TNRC18: variants seen among roughly 807,000 people sequenced by gnomAD.
The protein encoded by TNRC18 is trinucleotide repeat containing 18, also known as trinucleotide repeat-containing gene 18 protein.
Under a neutral mutation model 226.7 loss-of-function variants are expected in TNRC18, and 69 were observed. That is an observed-to-expected ratio of 0.30 (90% confidence interval 0.25 to 0.37). The LOEUF is 0.37. Ranked by LOEUF, TNRC18 falls within the 10% of genes least tolerant of loss-of-function variation. The pLI, the probability that TNRC18 is intolerant of heterozygous loss-of-function variation, is 1.00. For missense variants in TNRC18, 4,754 were observed against 4,256.6 expected (o/e 1.12, Z -3.25); for synonymous variants, 2,449 against 1,927.6 (o/e 1.27, Z -7.09).
rs73057722 is a variant in TNRC18, at chr7:5,394,295, C to A, written c.343+145G>T. On this transcript the variant is annotated intron_variant, in intron 3 of 29. Transcript: ENST00000430969. This position sits in a 1 kb window ranked among gnomAD's most constrained non-coding sequence, Gnocchi z 4.5. ...GACAGTGACAAGAAGAAGCCCTGAG[C>A]GTTTGAGAAACAACAGGGAAGCCAG... The A allele has an allele frequency of 5.7e-6, 4 of 695,898 alleles. No homozygotes were observed. Among genetic ancestry groups the A allele is most frequent in the African/African-American group, 1.9e-5 (1 of 52,464 alleles). 43.1% of individuals were successfully genotyped at this position (695,898 alleles called of 1,614,324 possible). A position where few individuals can be genotyped will look rare whatever the true frequency, so the allele number is the denominator to read the frequency against.
At position 5,371,165 on chromosome 7, in the gene TNRC18, C is replaced by T. The variant is rs781364966; in HGVS notation, c.3429G>A (p.Pro1143=). ...IRLSPSKITE[P]LREGPEEEPL... is the part of the protein sequence containing the mutation. Reference sequence around the variant, plus strand: ...GTTCTTCCTCCGGGCCCTCCCGCAGCGGCTCTGTGATCTTGGAGGGGGACA... The same window carrying T: ...GTTCTTCCTCCGGGCCCTCCCGCAGTGGCTCTGTGATCTTGGAGGGGGACA... The change falls in exon 11 of 30, where the codon CCG becomes CCA. Residue 1143 remains proline, a synonymous_variant. Coordinates refer to ENST00000430969, the MANE Select transcript of TNRC18 (RefSeq NM_001080495.3). 4.9e-5 allele frequency: 78 copies of T among 1,607,682 alleles called. No homozygotes were observed. The highest frequency in any genetic ancestry group is 5.7e-5 in the Non-Finnish European group (67 of 1,175,744).
chr7:5,383,423 G>A (rs1484425121), intron 5 of TNRC18, among the ~76,000 whole-genome samples: 3 of 152,178 alleles, frequency 2.0e-5, no homozygotes, highest in Admixed American at 6.5e-5. Context: ...AGAGAGAGGC[G>A]TTTATAACGC....
At chr7:5,410,777 C>T (rs868056143) in intron 2 of TNRC18, among the ~76,000 whole-genome samples, 5 of 144,356 alleles carry the variant, frequency 3.5e-5, no homozygotes, top group Admixed American at 2.2e-4. Context: ...GAGGCTTCAG[C>T]GCTTGAACCC....
intron 2 of TNRC18, among the ~76,000 whole-genome samples, chr7:5,403,885 G>T (rs769433424): frequency 6.6e-6 from 1 of 152,028 alleles, no homozygotes; most frequent in Non-Finnish European, 1.5e-5. Flanking sequence ...CCCAGGAAAG[G>T]CATTATTCTG....
chr7:5,355,091 T>A (rs61056534), intron 16 of TNRC18, among the ~76,000 whole-genome samples: 4 of 152,006 alleles, frequency 2.6e-5, no homozygotes, highest in Non-Finnish European at 4.4e-5. Context: ...GACACTGACA[T>A]GGGCCAGAAC....
intron 15 of TNRC18, among the ~76,000 whole-genome samples, chr7:5,358,644 T>C (rs1398425178): frequency 1.3e-5 from 2 of 152,072 alleles, no homozygotes; most frequent in African/African-American, 4.8e-5. Flanking sequence ...TGAAACCCCA[T>C]CTCTACTAAA....
chr7:5,329,189 G>C (rs1789251070), intron 19 of TNRC18, among the ~76,000 whole-genome samples: 2 of 151,850 alleles, frequency 1.3e-5, no homozygotes, highest in Non-Finnish European at 2.9e-5. Flanking sequence ...TGTGATCCCA[G>C]CTACTCGGGA....
intron 5 of TNRC18, among the ~76,000 whole-genome samples, chr7:5,386,607 G>T (rs1021454669): frequency 6.6e-6 from 1 of 151,350 alleles, no homozygotes. Flanking sequence ...AAAATTAGTC[G>T]GGCGTGGTGG....
intron 5 of TNRC18, among the ~76,000 whole-genome samples, chr7:5,380,159 C>T (rs1178812453): frequency 1.3e-5 from 2 of 152,166 alleles, no homozygotes; most frequent in African/African-American, 4.8e-5. Context: ...ATAAGCAGCA[C>T]CCCAGGCCCG....
rs1196668792 is a variant in TNRC18, at chr7:5,370,683, T to C, written c.3911A>G (p.Gln1304Arg). Residue 1304 changes from glutamine to arginine, a missense_variant, in exon 11 of 30, where the codon CAG (glutamine) becomes CGG (arginine). Coordinates refer to ENST00000430969, the MANE Select transcript of TNRC18 (RefSeq NM_001080495.3). ...SDCDVPAGEG[Q>R]CPSLEPQEAV... ...CTCTTGGGGCTCCAGGCTCGGGCAC[T>C]GTCCCTCCCCGGCGGGCACGTCACA... is the stretch of plus-strand genomic sequence containing the variant. The C allele has an allele frequency of 1.2e-6, 2 of 1,612,246 alleles. No homozygotes were observed. The highest frequency in any genetic ancestry group is 1.7e-6 in the Non-Finnish European group (2 of 1,179,614).
chr7:5,420,620 G>C (rs559583993), intron 2 of TNRC18: 86 of 459,180 alleles, frequency 1.9e-4, no homozygotes, highest in African/African-American at 1.7e-3. Flanking sequence ...GGTGGAGCTG[G>C]GAACAGAACC....
chr7:5,388,901 G>T lies in TNRC18; in HGVS notation c.923C>A (p.Ala308Asp). The T allele has an allele frequency of 7.3e-7, 1 of 1,361,958 alleles. No homozygotes were observed. Among genetic ancestry groups the T allele is most frequent in the Non-Finnish European group, 9.5e-7 (1 of 1,053,534 alleles). The allele number at this position is 1,361,958 out of a possible 1,614,324, so 84.4% of individuals were successfully genotyped here. A position where few individuals can be genotyped will look rare whatever the true frequency, so the allele number is the denominator to read the frequency against. ...AEAGRGGAKE[A>D]ARQDEGARLL... ...CCGCGCGCCCTCGTCCTGCCGGGCA[G>T]CCTCCTTGGCACCCCCGCGCCCCGC... is the stretch of plus-strand genomic sequence containing the variant. The change falls in exon 5 of 30, where the codon GCT becomes GAT. Residue 308 changes from alanine to aspartate, a missense_variant. Ala to Asp is a moderately radical substitution (Grantham distance 126). Transcript: ENST00000430969.
intron 19 of TNRC18, among the ~76,000 whole-genome samples, chr7:5,329,264 C>T (rs1356429429): frequency 6.6e-6 from 1 of 151,026 alleles, no homozygotes; most frequent in Non-Finnish European, 1.5e-5. Flanking sequence ...GATCTCACCA[C>T]TGTACTCCAG....
chr7:5,402,917 G>T (rs989610745), intron 2 of TNRC18, among the ~76,000 whole-genome samples: 1 of 151,808 alleles, frequency 6.6e-6, no homozygotes, highest in Admixed American at 6.6e-5. Context: ...TGGAGGAAGG[G>T]TGCCCAGGCC....
chr7:5,362,529 G>C, intron 12 of TNRC18, 121 bp downstream of exon 12: 1 of 940,006 alleles, frequency 1.1e-6, no homozygotes, highest in South Asian at 1.8e-5. Context: ...GGAGCTGAAC[G>C]TAGCTCAGGC....
chr7:5,316,777 G>C (rs920960420), intron 24 of TNRC18, among the ~76,000 whole-genome samples: 1 of 152,212 alleles, frequency 6.6e-6, no homozygotes, highest in African/African-American at 2.4e-5. Context: ...CGGGATGAAC[G>C]TGCAGGAACG....
At chr7:5,342,612 G>T (rs905216583) in intron 18 of TNRC18, among the ~76,000 whole-genome samples, 2 of 152,158 alleles carry the variant, frequency 1.3e-5, no homozygotes, top group African/African-American at 4.8e-5. Context: ...GAAAAGATGA[G>T]GAGCTGCTTT....
Position 5,379,534 on chromosome 7 carries a change from CCT to C in TNRC18, c.2153-1512_2153-1511del, listed in dbSNP as rs950754446. On this transcript the variant is annotated intron_variant, in intron 5 of 29. Coordinates refer to ENST00000430969, the MANE Select transcript of TNRC18 (RefSeq NM_001080495.3). The stretch of plus-strand genomic sequence containing the variant: ...TCCCTGTCCCTCCCTATAGCCAGCC[CCT>C]GAGTCCCAGGCCTGGCACATGGATG... Among the ~76,000 whole-genome samples the C allele has an allele frequency of 4.6e-5, 7 of 151,992 alleles. No homozygotes were observed. The South Asian group carries it at 6.2e-4, about 13-fold the overall frequency.
intron 2 of TNRC18, among the ~76,000 whole-genome samples, chr7:5,405,317 C>T (rs1490846681): frequency 1.3e-5 from 2 of 152,108 alleles, no homozygotes; most frequent in African/African-American, 2.4e-5. Flanking sequence ...ACATGTAATA[C>T]CAACACTTTG....
Sources: allele counts gnomAD v4.1 joint callset (sites outside exome capture counted in the v4.1 genomes callset), GRCh38; gene constraint gnomAD v4.1.1; non-coding constraint Gnocchi (gnomAD v3.1); transcripts MANE v1.5; gene names NCBI Gene and HGNC (gene_info 2026-07-23, HGNC 2026-07-21).